The following CAPN2 variants were observed in gnomAD, a reference collection of about 807,000 sequenced individuals.
The protein encoded by CAPN2 is calpain 2.
CAPN2 carries 92 observed loss-of-function variants against 102.3 expected under a neutral mutation model. The ratio of observed to expected loss-of-function variants is 0.90; its 90% CI spans 0.76 to 1.07. The LOEUF (loss-of-function observed/expected upper bound fraction) is 1.07, where lower values mean the gene tolerates loss of function less well. Ranked by LOEUF, CAPN2 falls within the 50% of genes least tolerant of loss-of-function variation. The probability of loss-of-function intolerance (pLI) is 0.00; values close to 1 mark genes in which losing one functional copy is unlikely to be tolerated. For synonymous variants in CAPN2, 340 were observed against 355.4 expected (o/e 0.96, Z 0.49); for missense variants, 800 against 909.4 (o/e 0.88, Z 1.55).
rs1462978374 is a variant in CAPN2 at position 223,751,019 on chromosome 1, G to T, written c.899+44G>T. On this transcript the variant is annotated intron_variant, in intron 7 of 20. Transcript: ENST00000295006. ...TCGGGGCCCCAGGCGGGGGTGCATT[G>T]TGCTGGGAGGCTCTGGGAAGAGGGC... is the stretch of plus-strand genomic sequence containing the variant. The T allele has an allele frequency of 2.1e-6, 3 of 1,435,804 alleles. No individual in the cohort carries two copies. The Admixed American group carries it at 5.9e-5, about 28-fold the overall frequency. The allele number at this position is 1,435,804 out of a possible 1,614,324, so 88.9% of individuals were successfully genotyped here.
chr1:223,737,318 G>A (rs1440351511), intron 2 of CAPN2, among the ~76,000 whole-genome samples: 1 of 152,226 alleles, frequency 6.6e-6, no homozygotes, highest in Non-Finnish European at 1.5e-5. Flanking sequence ...GGGATGGCCG[G>A]TCTGTCAAGC....
intron 2 of CAPN2, among the ~76,000 whole-genome samples, chr1:223,740,346 C>A (rs1205123621): frequency 6.6e-6 from 1 of 152,218 alleles, no homozygotes; most frequent in Non-Finnish European, 1.5e-5. Flanking sequence ...AGGGTACACT[C>A]ACCAGGAGTT....
At chr1:223,773,069 T>C (rs1384661666) in intron 20 of CAPN2, 1 of 152,294 alleles carries the variant, frequency 6.6e-6, no homozygotes. Context: ...GGCAGCTCTT[T>C]TCCATGGATT....
At position 223,770,465 on chromosome 1, in the gene CAPN2, G is replaced by A. The variant is rs144592508; in HGVS notation, c.1843G>A (p.Asp615Asn). 51 of 1,613,520 alleles carry A rather than the reference G, an allele frequency of 3.2e-5. No individual in the cohort carries two copies. The African/African-American group carries it at 5.5e-4, about 17-fold the overall frequency. ...QKYQKIYREI[D>N]VDRSGTMNSY... ...GTTCCAGAAAATTTACCGAGAAATCGACGTTGACAGGTCTGGTACCATGAA... is the reference window on the plus strand; with the variant it reads ...GTTCCAGAAAATTTACCGAGAAATCAACGTTGACAGGTCTGGTACCATGAA... Residue 615 changes from aspartate to asparagine, a missense_variant, in exon 18 of 21, where the codon GAC becomes AAC. Asp to Asn is a conservative substitution (Grantham distance 23). Transcript: ENST00000295006.
intron 14 of CAPN2, 123 bp from the exon 15 acceptor site, chr1:223,764,027 G>A: frequency 1.3e-6 from 1 of 752,848 alleles, no homozygotes; most frequent in South Asian, 1.5e-5. Flanking sequence ...TGGCTCGGGG[G>A]CTTGTTAGAA....
intron 2 of CAPN2, among the ~76,000 whole-genome samples, chr1:223,739,536 A>G (rs1660554753): frequency 6.6e-6 from 1 of 152,052 alleles, no homozygotes; most frequent in Non-Finnish European, 1.5e-5. Flanking sequence ...TAACAACTGA[A>G]CATTCCCCCC....
chr1:223,752,687 G>A (rs1336732903), intron 8 of CAPN2, 109 bp from the exon 9 acceptor site: 5 of 1,000,646 alleles, frequency 5.0e-6, no homozygotes, highest in Non-Finnish European at 7.6e-6. Context: ...CAGTTCTAAT[G>A]AGCTGCTCTG....
intron 3 of CAPN2, among the ~76,000 whole-genome samples, chr1:223,744,495 CTG>C (rs888218763): frequency 2.0e-5 from 3 of 151,950 alleles, no homozygotes; most frequent in African/African-American, 7.3e-5. Flanking sequence ...AAAAAAAAAA[CTG>C]TATTATTTGA....
Position 223,752,176 on chromosome 1 carries a change from G to A in CAPN2, c.974+105G>A, listed in dbSNP as rs547159040. The A allele has an allele frequency of 8.0e-4, 615 of 766,686 alleles. 11 individuals carry two copies. The South Asian group carries it at 9.3e-3, about 12-fold the overall frequency. 47.5% of individuals were successfully genotyped at this position (766,686 alleles called of 1,614,324 possible). A position where few individuals can be genotyped will look rare whatever the true frequency, so the allele number is the denominator to read the frequency against. ...TCGGCCAAAGTGAGTTTACCATGTC[G>A]AGGACACAAGCGTGTGGGATCCTGG... On this transcript the variant is annotated intron_variant, in intron 8 of 20. Transcript: ENST00000295006.
intron 7 of CAPN2, among the ~76,000 whole-genome samples, chr1:223,751,265 A>C (rs533138363): frequency 2.6e-5 from 4 of 151,994 alleles, no homozygotes; most frequent in Non-Finnish European, 4.4e-5. Context: ...CCACCCTTCT[A>C]TGGGGCTTTC....
Position 223,772,104 on chromosome 1 carries a change from T to C in CAPN2, c.2021-77T>C, listed in dbSNP as rs564221041. On this transcript the variant is annotated intron_variant, in intron 19 of 20. Transcript: ENST00000295006. ...CATGTATGGTGGTCAGTGAAGTCAG[T>C]TGCTGAACTGAAAAGAGGATAATGT... 1.6e-3 allele frequency: 2,246 copies of C among 1,392,268 alleles called. 45 individuals carry two copies. In the South Asian group the frequency reaches 0.022, roughly 14 times the overall value. The allele number at this position is 1,392,268 out of a possible 1,614,324, so 86.2% of individuals were successfully genotyped here.
intron 15 of CAPN2, among the ~76,000 whole-genome samples, chr1:223,765,372 G>A (rs1050053981): frequency 1.3e-5 from 2 of 152,184 alleles, no homozygotes; most frequent in Non-Finnish European, 1.5e-5. Context: ...GTCTGCACCC[G>A]CCCTCCTCTA....
chr1:223,757,431 G>A (rs770057049), intron 11 of CAPN2, 51 bp downstream of exon 11: 4 of 1,607,966 alleles, frequency 2.5e-6, no homozygotes, highest in African/African-American at 2.7e-5. Context: ...AAAGCGAGAG[G>A]CTTAGACTGC....
Position 223,759,685 on chromosome 1 carries a change from T to C in CAPN2, c.1529+204T>C, listed in dbSNP as rs1571814103. On this transcript the variant is annotated intron_variant, in intron 12 of 20. Coordinates refer to ENST00000295006, the MANE Select transcript of CAPN2 (RefSeq NM_001748.5). The surrounding 1 kb of genome is among the most constrained non-coding windows in gnomAD (Gnocchi z 4.6). ...TAAGGTAAACAATGGAAAAAGCCAC[T>C]GTGGATATTTTTGGTTGGAAAGGGG... Among the ~76,000 whole-genome samples the C allele has an allele frequency of 6.6e-6, 1 of 152,166 alleles. No homozygotes were observed. The highest frequency in any genetic ancestry group is 1.5e-5 in the Non-Finnish European group (1 of 68,010).
rs925006425 is a variant in CAPN2, at chr1:223,755,204, C to T, written c.1136-276C>T. Among the ~76,000 whole-genome samples, 3 of 152,060 alleles carry T rather than the reference C, an allele frequency of 2.0e-5. No homozygotes were observed. The highest frequency in any genetic ancestry group is 7.2e-5 in the African/African-American group (3 of 41,396). On this transcript the variant is annotated intron_variant, in intron 9 of 20. Coordinates refer to ENST00000295006, the MANE Select transcript of CAPN2 (RefSeq NM_001748.5). This position sits in a 1 kb window ranked among gnomAD's most constrained non-coding sequence, Gnocchi z 4.1. The stretch of plus-strand genomic sequence containing the variant: ...TTCTGCCATCCTCTGCCATCTCCCA[C>T]CATCTCCCACTGTCTCCCACAGCCT...
At chr1:223,711,387 G>C (rs751722814), upstream of CAPN2, among the ~76,000 whole-genome samples, 16 of 152,300 alleles carry the variant, frequency 1.1e-4, no homozygotes, top group Non-Finnish European at 1.6e-4. Flanking sequence ...GGTCACAGTA[G>C]CCAACACAGG....
intron 1 of CAPN2, among the ~76,000 whole-genome samples, chr1:223,706,753 G>A (rs1659614732): frequency 6.6e-6 from 1 of 152,164 alleles, no homozygotes. Flanking sequence ...GACACGTGGA[G>A]GTGCAAAATT....
At chr1:223,717,683 C>T (rs140435646) in intron 1 of CAPN2, 79 bp from the exon 2 acceptor site, 11 of 1,096,418 alleles carry the variant, frequency 1.0e-5, no homozygotes, top group Middle Eastern at 2.0e-4. Flanking sequence ...GTTAGAAGAC[C>T]CCACTGAGAA....
At chr1:223,746,775 C>T (rs1285127861) in intron 4 of CAPN2, among the ~76,000 whole-genome samples, 1 of 152,042 alleles carries the variant, frequency 6.6e-6, no homozygotes, top group Non-Finnish European at 1.5e-5. Context: ...CTACCGCGCC[C>T]GGCCTGAGAT....
Sources: gnomAD v4.1 joint callset for allele counts (sites outside exome capture counted in the v4.1 genomes callset) on GRCh38, gnomAD v4.1.1 for gene constraint, Gnocchi (gnomAD v3.1) non-coding constraint, MANE v1.5 for transcripts, NCBI Gene and HGNC (gene_info 2026-07-23, HGNC 2026-07-21) for gene names.